CRTAC1: variants seen among roughly 807,000 people sequenced by gnomAD.
CRTAC1 encodes the protein cartilage acidic protein 1.
Under a neutral mutation model 67.8 loss-of-function variants are expected in CRTAC1, and 37 were observed. The observed-to-expected ratio is 0.55, with a 90% CI of 0.42 to 0.72. The LOEUF (loss-of-function observed/expected upper bound fraction) is 0.72. CRTAC1 is among the 30% of genes least tolerant of loss of function. CRTAC1 has a pLI of 0.00. For synonymous variants in CRTAC1, 348 were observed against 371.0 expected (o/e 0.94, Z 0.71); for missense variants, 780 against 931.6 (o/e 0.84, Z 2.12).
At chr10:97,957,595 C>T (rs1242749524) in intron 2 of CRTAC1, among the ~76,000 whole-genome samples, 1 of 152,164 alleles carries the variant, frequency 6.6e-6, no homozygotes, top group Non-Finnish European at 1.5e-5. Flanking sequence ...AATTCAAACC[C>T]AGGCCCCATG....
intron 1 of CRTAC1, among the ~76,000 whole-genome samples, chr10:98,015,081 G>A (rs944155141): frequency 2.0e-5 from 3 of 152,146 alleles, no homozygotes; most frequent in African/African-American, 7.2e-5. Flanking sequence ...TAAACAAAAT[G>A]TGATATATGC....
chr10:97,915,140 C>T (rs1015298428), intron 5 of CRTAC1, among the ~76,000 whole-genome samples: 3 of 152,208 alleles, frequency 2.0e-5, no homozygotes, highest in Non-Finnish European at 4.4e-5. Context: ...GGGGCTGCCT[C>T]AAGTCCGGGT....
chr10:97,962,190 T>C (rs1264587529), intron 2 of CRTAC1, among the ~76,000 whole-genome samples: 1 of 152,080 alleles, frequency 6.6e-6, no homozygotes, highest in Non-Finnish European at 1.5e-5. Context: ...AGTTTCTAAG[T>C]CAACACTCCA....
chr10:97,963,373 ACT>A (rs1403684069), intron 2 of CRTAC1, among the ~76,000 whole-genome samples: 36 of 152,282 alleles, frequency 2.4e-4, no homozygotes, highest in Admixed American at 2.2e-3. Context: ...AGAGTCAGAA[ACT>A]CTGAGGATGA....
intron 2 of CRTAC1, among the ~76,000 whole-genome samples, chr10:97,982,089 A>T (rs914834781): frequency 6.6e-6 from 1 of 152,204 alleles, no homozygotes; most frequent in African/African-American, 2.4e-5. Flanking sequence ...CCTCTTGCCA[A>T]TGGCAAGAAA....
chr10:97,952,226 C>T (rs1256955608), intron 2 of CRTAC1, among the ~76,000 whole-genome samples: 1 of 151,968 alleles, frequency 6.6e-6, no homozygotes, highest in Non-Finnish European at 1.5e-5. Flanking sequence ...GTGGTGGGCA[C>T]CTGTAGTCCC....
chr10:98,021,919 A>G (rs1167800205), intron 1 of CRTAC1, among the ~76,000 whole-genome samples: 1 of 152,232 alleles, frequency 6.6e-6, no homozygotes, highest in Non-Finnish European at 1.5e-5. Context: ...ATGCTATGCT[A>G]TACACATTAA....
intron 1 of CRTAC1, among the ~76,000 whole-genome samples, chr10:98,024,777 T>C (rs1351375355): frequency 2.5e-5 from 2 of 80,674 alleles, no homozygotes; most frequent in Non-Finnish European, 5.1e-5. Flanking sequence ...TTTTTTTTGC[T>C]CTAAGACCAC....
chr10:98,000,137 G>A (rs472885), intron 2 of CRTAC1, among the ~76,000 whole-genome samples: 2 of 151,982 alleles, frequency 1.3e-5, no homozygotes, highest in Non-Finnish European at 2.9e-5. Context: ...CTCATTCTTC[G>A]GGGTTGCAGG....
chr10:98,021,024 C>G (rs973225424), intron 1 of CRTAC1, among the ~76,000 whole-genome samples: 1 of 152,212 alleles, frequency 6.6e-6, no homozygotes, highest in Admixed American at 6.5e-5. Flanking sequence ...TTCATTCATT[C>G]ATTCATTCAT....
intron 2 of CRTAC1, among the ~76,000 whole-genome samples, chr10:97,951,019 G>T (rs2051347164): frequency 6.6e-6 from 1 of 152,196 alleles, no homozygotes; most frequent in African/African-American, 2.4e-5. Flanking sequence ...CCCTCTTCAT[G>T]ATGGTGAAAT....
chr10:97,946,951 G>T (rs553996597), intron 2 of CRTAC1, among the ~76,000 whole-genome samples: 46 of 152,212 alleles, frequency 3.0e-4, no homozygotes, highest in Non-Finnish European at 6.5e-4. Flanking sequence ...TCACCCACTT[G>T]CTGTGGATTC....
intron 2 of CRTAC1, among the ~76,000 whole-genome samples, chr10:97,987,489 C>T (rs985095956): frequency 6.6e-6 from 1 of 152,118 alleles, no homozygotes; most frequent in South Asian, 2.1e-4. Flanking sequence ...TAAATGGGTG[C>T]TGAAGTGGAT....
intron 2 of CRTAC1, among the ~76,000 whole-genome samples, chr10:97,974,753 G>A (rs928218472): frequency 3.3e-5 from 5 of 152,186 alleles, no homozygotes; most frequent in African/African-American, 1.2e-4. Context: ...GCCAGGACAG[G>A]CTCGGATCCT....
At chr10:98,015,550 G>A (rs1388126334) in intron 1 of CRTAC1, among the ~76,000 whole-genome samples, 1 of 152,122 alleles carries the variant, frequency 6.6e-6, no homozygotes, top group Non-Finnish European at 1.5e-5. Context: ...TAATGCCTGG[G>A]TCTCATCTCA....
intron 11 of CRTAC1, among the ~76,000 whole-genome samples, chr10:97,892,762 G>A (rs1018603973): frequency 2.0e-5 from 3 of 152,204 alleles, no homozygotes; most frequent in Non-Finnish European, 4.4e-5. Flanking sequence ...GGTATCTTGT[G>A]CCTTTAGGGC....
intron 1 of CRTAC1, among the ~76,000 whole-genome samples, chr10:98,015,917 C>T (rs1166518829): frequency 6.6e-6 from 1 of 152,316 alleles, no homozygotes; most frequent in African/African-American, 2.4e-5. Flanking sequence ...CTATATACTA[C>T]AGTGAAGGCA....
intron 6 of CRTAC1, 44 bp downstream of exon 6, chr10:97,907,969 G>A (rs755410957): frequency 3.1e-6 from 5 of 1,608,834 alleles, no homozygotes; most frequent in Admixed American, 3.3e-5. Flanking sequence ...TGTGGGTCTG[G>A]GGTGAGGGGT....
chr10:97,896,837 T>TAACA, intron 9 of CRTAC1, 72 bp downstream of exon 9: 1 of 284,638 alleles, frequency 3.5e-6, no homozygotes. Flanking sequence ...GCCCCGTCCC[T>TAACA]CCCGCCCTCA....
Sources: gnomAD v4.1 joint callset for allele counts (sites outside exome capture counted in the v4.1 genomes callset) on GRCh38, gnomAD v4.1.1 for gene constraint, MANE v1.5 for transcripts, NCBI Gene and HGNC (gene_info 2026-07-23, HGNC 2026-07-21) for gene names.